RPAP3: variants seen among roughly 807,000 people sequenced by gnomAD.
RPAP3 encodes the protein RNA polymerase II associated protein 3.
RPAP3 carries 58 observed loss-of-function variants against 88.8 expected under a neutral mutation model. The observed-to-expected ratio is 0.65, with a 90% CI of 0.53 to 0.81. The LOEUF is 0.81. Ranked by LOEUF, RPAP3 falls within the 40% of genes least tolerant of loss-of-function variation. The probability of loss-of-function intolerance (pLI) is 0.00; values close to 1 mark genes in which losing one functional copy is unlikely to be tolerated. For synonymous variants in RPAP3, 255 were observed against 259.9 expected, an observed-to-expected ratio of 0.98 and a Z score of 0.18; for missense variants, 751 against 764.3, an observed-to-expected ratio of 0.98 and a Z score of 0.20.
At chr12:47,701,040 T>C (rs993878423) in intron 3 of RPAP3, among the ~76,000 whole-genome samples, 2 of 152,136 alleles carry the variant, frequency 1.3e-5, no homozygotes, top group African/African-American at 4.8e-5. Flanking sequence ...GCGGCTGGGT[T>C]ATCCAAACCT....
intron 6 of RPAP3, 140 bp downstream of exon 6, chr12:47,690,378 T>C: frequency 1.7e-6 from 1 of 605,962 alleles, no homozygotes; most frequent in Non-Finnish European, 2.6e-6. Context: ...CATCAAGATA[T>C]CATTTCAGTT....
At chr12:47,683,658 G>C (rs7304743) in intron 9 of RPAP3, among the ~76,000 whole-genome samples, 15,770 of 152,154 alleles carry the variant, frequency 0.1, 957 homozygotes, top group African/African-American at 0.16. Flanking sequence ...CATTTGTAAA[G>C]TGAATTTAGA....
At chr12:47,690,195 C>A (rs189278884) in intron 6 of RPAP3, among the ~76,000 whole-genome samples, 37 of 152,188 alleles carry the variant, frequency 2.4e-4, no homozygotes, top group Admixed American at 7.8e-4. Flanking sequence ...GTGTTATGAG[C>A]TTTAAACACA....
intron 12 of RPAP3, among the ~76,000 whole-genome samples, chr12:47,675,571 C>CA (rs923530430): frequency 6.0e-5 from 9 of 150,884 alleles, no homozygotes; most frequent in South Asian, 4.2e-4. Context: ...AAATGGAAAG[C>CA]AAAAAAAAGC....
Position 47,701,606 on chromosome 12 carries a change from T to C in RPAP3, c.154-2A>G. 6.4e-7 allele frequency: 1 copy of C among 1,573,778 alleles called. No homozygotes were observed. The highest frequency in any genetic ancestry group is 8.6e-7 in the Non-Finnish European group (1 of 1,164,560). ...CCCATTTCGAATAGGAGGTAAATTC[T>C]AAGGAGGGAAAAAAAAACACAAAGT... On this transcript the variant is annotated splice_acceptor_variant, in intron 2 of 16. Coordinates refer to ENST00000005386, the MANE Select transcript of RPAP3 (RefSeq NM_024604.3). LOFTEE classifies it high-confidence loss of function.
In RPAP3 at chr12:47,679,477, A is replaced by G; in HGVS notation, c.1287+16T>C. The G allele has an allele frequency of 2.7e-6, 4 of 1,506,758 alleles. No homozygotes were observed. Among genetic ancestry groups the G allele is most frequent in the Non-Finnish European group, 3.7e-6 (4 of 1,094,838 alleles). The allele number at this position is 1,506,758 out of a possible 1,614,324, so 93.3% of individuals were successfully genotyped here. On this transcript the variant is annotated intron_variant, in intron 12 of 16. Transcript: ENST00000005386. ...ATATTTAAATGGCAAGGAAAAAATG[A>G]AAGTGCTTTACTTACAGTTGATCCA...
intron 16 of RPAP3, among the ~76,000 whole-genome samples, chr12:47,666,431 T>C (rs1289850984): frequency 6.6e-6 from 1 of 152,216 alleles, no homozygotes; most frequent in Non-Finnish European, 1.5e-5. Context: ...AAAACTCTCT[T>C]GCCCAGCCTT....
chr12:47,666,865 TTTAA>T (rs1330122855), intron 16 of RPAP3, 111 bp downstream of exon 16: 2 of 309,010 alleles, frequency 6.5e-6, no homozygotes, highest in Admixed American at 4.9e-5. Flanking sequence ...AATATAAATA[TTTAA>T]TTAAATATAA....
rs771209543 is a variant in RPAP3, at chr12:47,702,787, T to G, written c.54A>C (p.Ala18=). The G allele has an allele frequency of 6.2e-7, 1 of 1,613,200 alleles. No homozygotes were observed. ...CCCGCATAAAGTCTTGTAATTCTTC[T>G]GCATTTTGTTTCACTTGTAGTTGTA... ...IELQLQVKQN[A]EELQDFMRDL... Residue 18 remains alanine, a synonymous_variant, in exon 2 of 17, where the codon GCA becomes GCC. Transcript: ENST00000005386.
chr12:47,684,787 T>C (rs1490615995), intron 9 of RPAP3, among the ~76,000 whole-genome samples: 1 of 152,208 alleles, frequency 6.6e-6, no homozygotes, highest in Non-Finnish European at 1.5e-5. Context: ...CAATGCACAA[T>C]TCTTCGATAG....
rs778990593 is a variant in RPAP3, at chr12:47,696,325, T to C, written c.496A>G (p.Asn166Asp). Residue 166 changes from asparagine to aspartate, a missense_variant, in exon 5 of 17, where the codon AAT becomes GAT. Transcript: ENST00000005386. ...GCTCTGTTCGTTGGCAACACGGGAT[T>C]ATATGGATCGGCATCCATGCCTTTT... ...YTKGMDADPY[N>D]PVLPTNRASA... is the part of the protein sequence containing the mutation. The C allele has an allele frequency of 1.9e-6, 3 of 1,600,592 alleles. No individual in the cohort carries two copies. Among genetic ancestry groups the C allele is most frequent in the East Asian group, 2.3e-5 (1 of 44,170 alleles).
At chr12:47,681,553 C>A in intron 10 of RPAP3, 143 bp downstream of exon 10, 1 of 814,670 alleles carries the variant, frequency 1.2e-6, no homozygotes. Flanking sequence ...TCCTCCAAAT[C>A]TATTCGTGAT....
In RPAP3 at chr12:47,696,320, G is replaced by A. The variant is rs145438523; in HGVS notation, c.501C>T (p.Pro167=). The A allele has an allele frequency of 4.7e-5, 75 of 1,586,246 alleles. No individual in the cohort carries two copies. Among genetic ancestry groups the A allele is most frequent in the Non-Finnish European group, 2.7e-5 (32 of 1,165,886 alleles). ...CTGACGCTCTGTTCGTTGGCAACAC[G>A]GGATTATATGGATCGGCATCCATGC... The part of the protein sequence containing the change: ...TKGMDADPYN[P]VLPTNRASAY... Residue 167 remains proline (P), a synonymous_variant, in exon 5 of 17, where the codon CCC becomes CCT. Coordinates refer to ENST00000005386, the MANE Select transcript of RPAP3 (RefSeq NM_024604.3).
chr12:47,669,217 T>A, intron 13 of RPAP3, 115 bp from the exon 14 acceptor site: 1 of 617,876 alleles, frequency 1.6e-6, no homozygotes, highest in Non-Finnish European at 2.8e-6. Context: ...ATTATCTATT[T>A]GTATTATACA....
intron 5 of RPAP3, 55 bp downstream of exon 5, chr12:47,696,221 G>A (rs974696278): frequency 1.2e-5 from 16 of 1,346,270 alleles, no homozygotes; most frequent in Admixed American, 5.8e-5. Flanking sequence ...TTTTTAATAA[G>A]TCTCCATATA....
rs978589637 is a variant in RPAP3, at chr12:47,686,825, G to A, written c.947C>T (p.Ala316Val). The change falls in exon 9 of 17, where the codon GCC becomes GTC. Residue 316 changes from alanine to valine, a missense_variant. Physicochemically the swap from Ala to Val is moderately conservative, Grantham distance 64. Coordinates refer to ENST00000005386, the MANE Select transcript of RPAP3 (RefSeq NM_024604.3). Reference sequence around the variant, plus strand: ...CATAGCTCTGTTAGCTGGAAGAAGGGCATTAGCACCATCTGCTGCTATCCC... The same window carrying A: ...CATAGCTCTGTTAGCTGGAAGAAGGACATTAGCACCATCTGCTGCTATCCC... ...TRGIAADGAN[A>V]LLPANRAMAY... The A allele has an allele frequency of 1.9e-6, 3 of 1,606,058 alleles. No individual in the cohort carries two copies. Among genetic ancestry groups the A allele is most frequent in the Admixed American group, 1.7e-5 (1 of 58,266 alleles).
chr12:47,698,041 A>C (rs1027829107), intron 3 of RPAP3, among the ~76,000 whole-genome samples: 1 of 152,212 alleles, frequency 6.6e-6, no homozygotes, highest in African/African-American at 2.4e-5. Context: ...AAATAGCCCT[A>C]AACTAATATA....
chr12:47,675,831 A>T (rs1939102031), intron 12 of RPAP3, among the ~76,000 whole-genome samples: 1 of 152,246 alleles, frequency 6.6e-6, no homozygotes, highest in Non-Finnish European at 1.5e-5. Context: ...TATTGGACAG[A>T]TCAACGAGAC....
At chr12:47,694,341 T>C (rs903252832) in intron 5 of RPAP3, among the ~76,000 whole-genome samples, 21 of 152,106 alleles carry the variant, frequency 1.4e-4, no homozygotes, top group South Asian at 6.2e-4. Context: ...ATTCCAAAAA[T>C]AGAGCTGGAA....
Sources: gnomAD v4.1 joint callset for allele counts (sites outside exome capture counted in the v4.1 genomes callset) on GRCh38, gnomAD v4.1.1 for gene constraint, MANE v1.5 for transcripts, NCBI Gene and HGNC (gene_info 2026-07-23, HGNC 2026-07-21) for gene names.